The following SNX13 variants were observed in gnomAD, a reference collection of about 807,000 sequenced individuals.
SNX13 encodes the protein sorting nexin 13, also known as sorting nexin-13.
In SNX13, 45 loss-of-function variants were observed where a neutral mutation model predicts 133.6. The observed-to-expected ratio is 0.34, with a 90% CI of 0.27 to 0.43. SNX13 has a LOEUF of 0.43. SNX13 is among the 20% of genes least tolerant of loss of function. The pLI, the probability that SNX13 is intolerant of heterozygous loss-of-function variation, is 1.00. For synonymous variants in SNX13, 414 were observed against 373.9 expected (o/e 1.11, Z -1.24); for missense variants, 1,032 against 1,145.1 (o/e 0.90, Z 1.43).
chr7:17,844,201 C>T (rs1011735679), intron 12 of SNX13, among the ~76,000 whole-genome samples: 1 of 151,874 alleles, frequency 6.6e-6, no homozygotes, highest in African/African-American at 2.4e-5. Context: ...AGAGAAAAGA[C>T]TCAAATTACT....
chr7:17,811,538 G>C (rs1204760451), intron 20 of SNX13, among the ~76,000 whole-genome samples: 2 of 152,158 alleles, frequency 1.3e-5, no homozygotes, highest in Non-Finnish European at 2.9e-5. Context: ...CTCATGGATA[G>C]GAAGAATCAA....
intron 8 of SNX13, among the ~76,000 whole-genome samples, chr7:17,872,574 C>T (rs1794241586): frequency 6.6e-6 from 1 of 152,142 alleles, no homozygotes; most frequent in Non-Finnish European, 1.5e-5. Flanking sequence ...TCAGGCTCCT[C>T]CCATCAAAAC....
At chr7:17,812,048 G>C (rs1478057427) in intron 20 of SNX13, among the ~76,000 whole-genome samples, 1 of 152,064 alleles carries the variant, frequency 6.6e-6, no homozygotes, top group African/African-American at 2.4e-5. Context: ...AAAAACCCTA[G>C]AAGAAAACCT....
At chr7:17,939,524 A>G (rs1167091982) in intron 1 of SNX13, among the ~76,000 whole-genome samples, 2 of 152,228 alleles carry the variant, frequency 1.3e-5, no homozygotes, top group Admixed American at 6.5e-5. Context: ...TACTTCTTCA[A>G]AAAGTCGGCT....
chr7:17,895,640 A>G (rs1317177885), intron 2 of SNX13, among the ~76,000 whole-genome samples: 2 of 152,158 alleles, frequency 1.3e-5, no homozygotes, highest in East Asian at 3.8e-4. Flanking sequence ...AGCATCCAAA[A>G]GATTTTTTGA....
At position 17,820,655 on chromosome 7, in the gene SNX13, A is replaced by C. The variant is rs2723550; in HGVS notation, c.1845+854T>G. Among the ~76,000 whole-genome samples the C allele has an allele frequency of 3.5e-3, 531 of 152,280 alleles. 5 individuals carry two copies. Among genetic ancestry groups the C allele is most frequent in the Admixed American group, 9.2e-3 (141 of 15,302 alleles). Reference sequence around the variant, plus strand: ...ATAAGATTATCATGGTGCCAACTATATATTTTCCACTATATTAAGTTGAAA... The same window carrying C: ...ATAAGATTATCATGGTGCCAACTATCTATTTTCCACTATATTAAGTTGAAA... On this transcript the variant is annotated intron_variant, in intron 18 of 25. Coordinates refer to ENST00000428135, the MANE Select transcript of SNX13 (RefSeq NM_015132.5).
chr7:17,886,971 CAAAA>C (rs544070392), intron 5 of SNX13, among the ~76,000 whole-genome samples: 4 of 55,916 alleles, frequency 7.2e-5, no homozygotes, highest in Admixed American at 3.8e-4. Context: ...CCTTGCTCTA[CAAAA>C]AAAAAAAAAA....
At chr7:17,915,852 C>T (rs927405257) in intron 1 of SNX13, among the ~76,000 whole-genome samples, 1 of 152,196 alleles carries the variant, frequency 6.6e-6, no homozygotes, top group Non-Finnish European at 1.5e-5. Context: ...GCAGAGTACA[C>T]ATTCTTCTCA....
At chr7:17,872,296 A>G (rs1033386279) in intron 8 of SNX13, among the ~76,000 whole-genome samples, 1 of 152,218 alleles carries the variant, frequency 6.6e-6, no homozygotes, top group Non-Finnish European at 1.5e-5. Flanking sequence ...CAGTGACATG[A>G]AAGAAAGGAG....
chr7:17,848,370 A>T (rs1031651730), intron 11 of SNX13, among the ~76,000 whole-genome samples: 1 of 152,086 alleles, frequency 6.6e-6, no homozygotes, highest in African/African-American at 2.4e-5. Flanking sequence ...CTGGACGCCG[A>T]GTAAGAGCTC....
At chr7:17,873,817 A>T (rs1007329348) in intron 7 of SNX13, among the ~76,000 whole-genome samples, 12 of 152,020 alleles carry the variant, frequency 7.9e-5, no homozygotes, top group African/African-American at 2.7e-4. Context: ...AATCAACTTA[A>T]TTTTTTTTAA....
intron 1 of SNX13, among the ~76,000 whole-genome samples, chr7:17,915,187 A>G (rs150698946): frequency 1.8e-4 from 28 of 152,328 alleles, no homozygotes; most frequent in Non-Finnish European, 3.5e-4. Flanking sequence ...CAATATACAC[A>G]CACCCAACAT....
chr7:17,816,347 T>C, intron 18 of SNX13, 58 bp from the exon 19 acceptor site: 1 of 1,491,788 alleles, frequency 6.7e-7, no homozygotes, highest in South Asian at 1.3e-5. Flanking sequence ...TTTTCCCAAG[T>C]GATTATTTCT....
Position 17,791,014 on chromosome 7 carries a change from T to C in SNX13, c.*3031A>G, listed in dbSNP as rs1783487705. On this transcript the variant is annotated 3_prime_UTR_variant, in exon 26 of 26. Coordinates refer to ENST00000428135, the MANE Select transcript of SNX13 (RefSeq NM_015132.5). Reference sequence around the variant, plus strand: ...TTTTTCCCTTGTAATACAGGAGCCATGCTCCTAAAAGCAAAATTTACTACT... The same window carrying C: ...TTTTTCCCTTGTAATACAGGAGCCACGCTCCTAAAAGCAAAATTTACTACT... The C allele has an allele frequency of 6.6e-6, 1 of 152,024 alleles. No homozygotes were observed. Among genetic ancestry groups the C allele is most frequent in the Non-Finnish European group, 1.5e-5 (1 of 67,910 alleles). 9.4% of individuals were successfully genotyped at this position (152,024 alleles called of 1,614,324 possible). A position where few individuals can be genotyped will look rare whatever the true frequency, so the allele number is the denominator to read the frequency against.
At chr7:17,846,301 C>T (rs556305087) in intron 11 of SNX13, among the ~76,000 whole-genome samples, 1 of 151,762 alleles carries the variant, frequency 6.6e-6, no homozygotes, top group Non-Finnish European at 1.5e-5. Flanking sequence ...ACGTATCAGG[C>T]TTTGGGCTAG....
In SNX13 at chr7:17,873,650, G is replaced by C. The variant is rs1479761939; in HGVS notation, c.665-34C>G. On this transcript the variant is annotated intron_variant, in intron 7 of 25. Coordinates refer to ENST00000428135, the MANE Select transcript of SNX13 (RefSeq NM_015132.5). ...AGAAAAAGTAGCTATCATAACATTA[G>C]AAAATATAAAGTCTACACTTCCTCT... 3 of 1,336,234 alleles carry C rather than the reference G, an allele frequency of 2.2e-6. No homozygotes were observed. The African/African-American group carries it at 4.5e-5, about 20-fold the overall frequency. The allele number at this position is 1,336,234 out of a possible 1,614,324, so 82.8% of individuals were successfully genotyped here.
At chr7:17,853,055 C>G (rs1046083451) in intron 9 of SNX13, among the ~76,000 whole-genome samples, 1 of 152,028 alleles carries the variant, frequency 6.6e-6, no homozygotes, top group African/African-American at 2.4e-5. Context: ...AAGAGTTGGT[C>G]AGAAGAGTGG....
At chr7:17,830,399 A>G (rs1279709293) in intron 15 of SNX13, 1 of 984,268 alleles carries the variant, frequency 1.0e-6, no homozygotes, top group African/African-American at 1.7e-5. Flanking sequence ...AATGAGGCCC[A>G]TTAGGAAACA....
chr7:17,897,477 G>A (rs1390110426), intron 1 of SNX13, 31 bp from the exon 2 acceptor site: 2 of 1,243,232 alleles, frequency 1.6e-6, no homozygotes, highest in Non-Finnish European at 2.2e-6. Context: ...AAGTAAATTA[G>A]TAAATAATTC....
Sources: gnomAD v4.1 joint callset for allele counts (sites outside exome capture counted in the v4.1 genomes callset) on GRCh38, gnomAD v4.1.1 for gene constraint, MANE v1.5 for transcripts, NCBI Gene and HGNC (gene_info 2026-07-23, HGNC 2026-07-21) for gene names.